CNTN1: variants seen among roughly 807,000 people sequenced by gnomAD.
The protein encoded by CNTN1 is contactin 1.
In CNTN1, 38 loss-of-function variants were observed where a neutral mutation model predicts 126.4. That is an observed-to-expected ratio of 0.30 (90% CI 0.23 to 0.39). CNTN1 has a LOEUF of 0.39. Among genes scored for constraint, CNTN1 ranks in the 10% least tolerant of loss-of-function variants. The pLI is 1.00. For synonymous variants in CNTN1, 413 were observed against 422.6 expected (o/e 0.98, Z 0.28); for missense variants, 1,009 against 1,248.4 (o/e 0.81, Z 2.89).
intron 14 of CNTN1, among the ~76,000 whole-genome samples, chr12:40,955,085 T>C (rs1946826713): frequency 6.6e-6 from 1 of 151,988 alleles, no homozygotes; most frequent in Non-Finnish European, 1.5e-5. Flanking sequence ...ACAGGTGTAG[T>C]TAACTCTTGC....
chr12:40,903,928 T>G (rs1013770252), intron 1 of CNTN1, among the ~76,000 whole-genome samples: 8 of 152,200 alleles, frequency 5.3e-5, no homozygotes, highest in African/African-American at 1.9e-4. Flanking sequence ...ACTTAAAATA[T>G]CCTTTTCTGG....
chr12:40,795,404 C>T (rs1940390710), intron 1 of CNTN1, among the ~76,000 whole-genome samples: 1 of 150,278 alleles, frequency 6.7e-6, no homozygotes, highest in Non-Finnish European at 1.5e-5. Context: ...GCGACACACA[C>T]ATTTTATTAA....
intron 23 of CNTN1, among the ~76,000 whole-genome samples, chr12:41,046,847 C>CTTTTTTTTT (rs56655599): frequency 1.3e-4 from 15 of 118,988 alleles, no homozygotes; most frequent in African/African-American, 2.9e-4. Context: ...TTGCTTATTT[C>CTTTTTTTTT]TTTTTTTTTT....
At chr12:41,036,438 G>A (rs548553042) in intron 23 of CNTN1, among the ~76,000 whole-genome samples, 1 of 152,202 alleles carries the variant, frequency 6.6e-6, no homozygotes, top group South Asian at 2.1e-4. Context: ...GCCAAATGTG[G>A]ACTTTTTAGG....
intron 1 of CNTN1, among the ~76,000 whole-genome samples, chr12:40,839,720 T>A (rs1296570325): frequency 1.3e-5 from 2 of 152,130 alleles, no homozygotes; most frequent in African/African-American, 2.4e-5. Flanking sequence ...GTCAAGCAAA[T>A]GCTGAGGGAA....
intron 17 of CNTN1, among the ~76,000 whole-genome samples, chr12:41,009,637 G>T (rs1327903574): frequency 2.0e-5 from 3 of 152,176 alleles, no homozygotes; most frequent in Admixed American, 6.5e-5. Flanking sequence ...AGTTTTATGT[G>T]CTCCTAACAT....
At chr12:40,891,009 A>T (rs992162949) in intron 1 of CNTN1, among the ~76,000 whole-genome samples, 1 of 152,158 alleles carries the variant, frequency 6.6e-6, no homozygotes, top group Non-Finnish European at 1.5e-5. Flanking sequence ...GCTAGTGAGG[A>T]TATGGAACAG....
At position 40,906,820 on chromosome 12, in the gene CNTN1, G is replaced by A. The variant is rs138923860; in HGVS notation, c.-76-1537G>A. ...CAGCCTCCTGAGTAGCTGGGATACA[G>A]GCATGCGCCACTAAGCCAGGCTAGT... On this transcript the variant is annotated intron_variant, in intron 1 of 23. Transcript: ENST00000551295. 5.0e-3 allele frequency among the ~76,000 whole-genome samples: 752 copies of A among 151,766 alleles called. 5 individuals are homozygous for A. Among genetic ancestry groups the A allele is most frequent in the African/African-American group, 0.017 (704 of 41,394 alleles).
chr12:41,051,405 C>A (rs1438553759), intron 23 of CNTN1, among the ~76,000 whole-genome samples: 3 of 151,892 alleles, frequency 2.0e-5, no homozygotes, highest in Non-Finnish European at 4.4e-5. Flanking sequence ...CCCACCTCGG[C>A]CTCCCAAAGT....
chr12:40,715,480 A>G (rs553302492), intron 1 of CNTN1, among the ~76,000 whole-genome samples: 9 of 152,204 alleles, frequency 5.9e-5, no homozygotes, highest in Admixed American at 3.3e-4. Context: ...ATTGGTGCAA[A>G]AGTAACCGCA....
intron 1 of CNTN1, among the ~76,000 whole-genome samples, chr12:40,822,099 T>C (rs1474462050): frequency 1.3e-5 from 2 of 151,422 alleles, no homozygotes; most frequent in Non-Finnish European, 2.9e-5. Flanking sequence ...TTGATATTTA[T>C]ATACTTCTCA....
chr12:40,919,488 T>G (rs1395238752), intron 4 of CNTN1, among the ~76,000 whole-genome samples: 2 of 152,158 alleles, frequency 1.3e-5, no homozygotes, highest in African/African-American at 4.8e-5. Context: ...TGTGCAATGG[T>G]TCCATGAAGA....
intron 1 of CNTN1, among the ~76,000 whole-genome samples, chr12:40,869,867 A>G (rs912504327): frequency 6.6e-6 from 1 of 152,194 alleles, no homozygotes; most frequent in Admixed American, 6.6e-5. Context: ...TATTTTTCTC[A>G]TTTAAAATGT....
chr12:40,730,963 A>G (rs950021754), intron 1 of CNTN1, among the ~76,000 whole-genome samples: 4 of 152,144 alleles, frequency 2.6e-5, no homozygotes, highest in Admixed American at 2.6e-4. Flanking sequence ...ATCAAAAAAG[A>G]TATTATGCAA....
At chr12:40,780,901 T>A (rs1596531) in intron 1 of CNTN1, among the ~76,000 whole-genome samples, 1 of 151,060 alleles carries the variant, frequency 6.6e-6, no homozygotes, top group Non-Finnish European at 1.5e-5. Flanking sequence ...AAGAATTTTG[T>A]GCAAAAATGA....
rs544146765 is a variant in CNTN1 at position 40,865,645 on chromosome 12, C to T, written c.-76-42712C>T. Among the ~76,000 whole-genome samples the T allele has an allele frequency of 5.9e-4, 89 of 152,110 alleles. No homozygotes were observed. The South Asian group carries it at 0.017, about 29-fold the overall frequency. ...AATCTATTGACCATAAGGGTAAAGG[C>T]TTATTTCCATACTCTGAATTCTGTC... On this transcript the variant is annotated intron_variant, in intron 1 of 23. Coordinates refer to ENST00000551295, the MANE Select transcript of CNTN1 (RefSeq NM_001843.4).
chr12:40,801,069 G>A (rs1766412032), intron 1 of CNTN1, among the ~76,000 whole-genome samples: 3 of 149,394 alleles, frequency 2.0e-5, no homozygotes, highest in Admixed American at 6.7e-5. Flanking sequence ...AATCCTGGAA[G>A]AGACAAGTAG....
At chr12:41,010,037 A>G (rs1327514878) in intron 17 of CNTN1, among the ~76,000 whole-genome samples, 2 of 152,198 alleles carry the variant, frequency 1.3e-5, no homozygotes, top group Non-Finnish European at 2.9e-5. Flanking sequence ...ATATTGAATT[A>G]GACTTTTTCC....
At chr12:40,948,258 CTTTTTT>C (rs58087551) in intron 14 of CNTN1, among the ~76,000 whole-genome samples, 2 of 62,696 alleles carry the variant, frequency 3.2e-5, no homozygotes, top group African/African-American at 6.5e-5. Context: ...TTCTTTCTTT[CTTTTTT>C]TTTTTTTTTT....
Sources: allele counts gnomAD v4.1 joint callset (sites outside exome capture counted in the v4.1 genomes callset), GRCh38; gene constraint gnomAD v4.1.1; transcripts MANE v1.5; gene names NCBI Gene and HGNC (gene_info 2026-07-23, HGNC 2026-07-21).